TMCC3: variants seen among roughly 807,000 people sequenced by gnomAD.
The protein encoded by TMCC3 is transmembrane and coiled-coil domain protein 3.
TMCC3 carries 28 observed loss-of-function variants against 40.2 expected under a neutral mutation model. That is an observed-to-expected ratio of 0.70 (90% CI 0.52 to 0.95). The LOEUF (loss-of-function observed/expected upper bound fraction) is 0.95, where lower values mean the gene tolerates loss of function less well. Ranked by LOEUF, TMCC3 falls within the 40% of genes least tolerant of loss-of-function variation. The probability of loss-of-function intolerance (pLI) is 0.00; values close to 1 mark genes in which losing one functional copy is unlikely to be tolerated. For missense variants in TMCC3, 554 were observed against 615.2 expected (o/e 0.90, Z 1.05); for synonymous variants, 255 against 248.5 (o/e 1.03, Z -0.25).
intron 1 of TMCC3, among the ~76,000 whole-genome samples, chr12:94,621,258 C>G (rs11107625): frequency 6.6e-6 from 1 of 152,162 alleles, no homozygotes; most frequent in African/African-American, 2.4e-5. Flanking sequence ...GTTAACACTG[C>G]GGGTAAGCAA....
intron 1 of TMCC3, among the ~76,000 whole-genome samples, chr12:94,621,083 T>G (rs2068873520): frequency 6.6e-6 from 1 of 152,174 alleles, no homozygotes; most frequent in African/African-American, 2.4e-5. Flanking sequence ...CACAGGTAAT[T>G]TGGATGTGGC....
chr12:94,618,307 A>T (rs1351813052), intron 1 of TMCC3, among the ~76,000 whole-genome samples: 1 of 152,198 alleles, frequency 6.6e-6, no homozygotes, highest in Non-Finnish European at 1.5e-5. Flanking sequence ...CTCCTAAAAT[A>T]CATTCAGGAT....
At chr12:94,650,057 G>A (rs2138893873) in intron 1 of TMCC3, among the ~76,000 whole-genome samples, 1 of 152,208 alleles carries the variant, frequency 6.6e-6, no homozygotes, top group Admixed American at 6.5e-5. Context: ...GCGCTCCCTG[G>A]CGGGGAGGAC....
At chr12:94,574,399 A>G (rs2068551764) in intron 3 of TMCC3, among the ~76,000 whole-genome samples, 1 of 151,842 alleles carries the variant, frequency 6.6e-6, no homozygotes, top group South Asian at 2.1e-4. Context: ...AAACAAAAAA[A>G]AAAAACAGAA....
At chr12:94,626,324 C>T (rs567248085) in intron 1 of TMCC3, among the ~76,000 whole-genome samples, 2 of 152,242 alleles carry the variant, frequency 1.3e-5, no homozygotes, top group Admixed American at 6.5e-5. Flanking sequence ...TTAAAGAACA[C>T]CTAAGTAAAA....
chr12:94,580,896 C>T (rs747580344), intron 2 of TMCC3, among the ~76,000 whole-genome samples: 2 of 152,148 alleles, frequency 1.3e-5, no homozygotes, highest in African/African-American at 2.4e-5. Context: ...GACACTATAA[C>T]GGAAGTCTAC....
chr12:94,650,442 G>A lies in TMCC3; in HGVS notation c.-12C>T. The A allele has an allele frequency of 3.1e-6, 4 of 1,283,784 alleles. No individual in the cohort carries two copies. Among genetic ancestry groups the A allele is most frequent in the Non-Finnish European group, 4.0e-6 (4 of 1,009,352 alleles). The allele number at this position is 1,283,784 out of a possible 1,614,324, so 79.5% of individuals were successfully genotyped here. A position where few individuals can be genotyped will look rare whatever the true frequency, so the allele number is the denominator to read the frequency against. On this transcript the variant is annotated 5_prime_UTR_variant, in exon 1 of 4. Coordinates refer to ENST00000261226, the MANE Select transcript of TMCC3 (RefSeq NM_020698.4). ...TCGCTGCCCGGCATCTCCGCGCTCCGGCCGCGAACTTTCCCGTCTTCTGGG... is the reference window on the plus strand; with the variant it reads ...TCGCTGCCCGGCATCTCCGCGCTCCAGCCGCGAACTTTCCCGTCTTCTGGG...
chr12:94,635,669 T>G (rs185581138), intron 1 of TMCC3, among the ~76,000 whole-genome samples: 7 of 142,734 alleles, frequency 4.9e-5, no homozygotes, highest in Middle Eastern at 3.4e-3. Flanking sequence ...GGTTTTTTTT[T>G]TTTTTTTTTT....
At chr12:94,629,185 C>T (rs76582892) in intron 1 of TMCC3, among the ~76,000 whole-genome samples, 324 of 152,212 alleles carry the variant, frequency 2.1e-3, no homozygotes, top group African/African-American at 7.6e-3. Context: ...ACAGGTGAAC[C>T]GAAGCCTTGA....
In TMCC3 at chr12:94,650,536, G is replaced by T; in HGVS notation, c.-106C>A. 1.1e-6 allele frequency: 1 copy of T among 937,220 alleles called. No individual in the cohort carries two copies. 58.1% of individuals were successfully genotyped at this position (937,220 alleles called of 1,614,324 possible). A position where few individuals can be genotyped will look rare whatever the true frequency, so the allele number is the denominator to read the frequency against. ...GGAGCCGCGGGCGAGGGGGCGGCGC[G>T]GCTGCTGCAGCTGTTGCCTCTGGTG... On this transcript the variant is annotated 5_prime_UTR_variant, in exon 1 of 4. Coordinates refer to ENST00000261226, the MANE Select transcript of TMCC3 (RefSeq NM_020698.4).
chr12:94,634,416 T>TA (rs2068949599), intron 1 of TMCC3, among the ~76,000 whole-genome samples: 1 of 151,038 alleles, frequency 6.6e-6, no homozygotes. Context: ...AAACAAAAGT[T>TA]TAAAAAAAAA....
chr12:94,614,761 ATTT>A (rs559601163), intron 1 of TMCC3, among the ~76,000 whole-genome samples: 3 of 134,832 alleles, frequency 2.2e-5, no homozygotes, highest in Non-Finnish European at 3.2e-5. Flanking sequence ...CAACAGACAG[ATTT>A]TTTTTTTTTT....
At chr12:94,587,107 C>T (rs1452848020) in intron 1 of TMCC3, among the ~76,000 whole-genome samples, 1 of 152,214 alleles carries the variant, frequency 6.6e-6, no homozygotes, top group Non-Finnish European at 1.5e-5. Context: ...GTCCTCCACC[C>T]TTCGTTTAAT....
chr12:94,599,179 CTACTAG>C (rs1426185203), intron 1 of TMCC3, among the ~76,000 whole-genome samples: 1 of 152,170 alleles, frequency 6.6e-6, no homozygotes, highest in African/African-American at 2.4e-5. Flanking sequence ...ACAGCAGTAT[CTACTAG>C]TTCACAGTGT....
At chr12:94,603,688 T>C (rs907495819) in intron 1 of TMCC3, among the ~76,000 whole-genome samples, 9 of 152,114 alleles carry the variant, frequency 5.9e-5, no homozygotes, top group African/African-American at 1.9e-4. Flanking sequence ...ACAACATTGA[T>C]CCAGGTGGCA....
chr12:94,639,668 A>AACACACACAC (rs3073591), intron 1 of TMCC3, among the ~76,000 whole-genome samples: 2,063 of 124,078 alleles, frequency 0.017, 29 homozygotes, highest in African/African-American at 0.032. Flanking sequence ...CATATATGTA[A>AACACACACAC]ACACACACAC....
At chr12:94,641,315 T>A (rs537601576) in intron 1 of TMCC3, among the ~76,000 whole-genome samples, 1 of 152,160 alleles carries the variant, frequency 6.6e-6, no homozygotes, top group South Asian at 2.1e-4. Context: ...AAGTATAATA[T>A]TAACCAGGAA....
chr12:94,608,212 G>A (rs922741151), intron 1 of TMCC3, among the ~76,000 whole-genome samples: 2 of 152,188 alleles, frequency 1.3e-5, no homozygotes, highest in African/African-American at 4.8e-5. Context: ...GAGGTAAAGT[G>A]ACAAGCGTAA....
At chr12:94,590,965 C>T (rs1467737610) in intron 1 of TMCC3, 7 of 569,594 alleles carry the variant, frequency 1.2e-5, no homozygotes, top group African/African-American at 9.5e-5. Context: ...TTATGATCAA[C>T]ATTTAAATAT....
Sources: allele counts gnomAD v4.1 joint callset (sites outside exome capture counted in the v4.1 genomes callset), GRCh38; gene constraint gnomAD v4.1.1; transcripts MANE v1.5; gene names NCBI Gene and HGNC (gene_info 2026-07-23, HGNC 2026-07-21).